Variants in MARCHF8 observed in about 807,000 individuals in gnomAD.
MARCHF8 encodes the protein membrane associated ring-CH-type finger 8.
In MARCHF8, 40 loss-of-function variants were observed where a neutral mutation model predicts 51.6. The observed-to-expected ratio is 0.77, with a 90% CI of 0.60 to 1.01. MARCHF8 has a LOEUF of 1.01. Among genes scored for constraint, MARCHF8 ranks in the 50% least tolerant of loss-of-function variants. The pLI, the probability that MARCHF8 is intolerant of heterozygous loss-of-function variation, is 0.00. For missense variants in MARCHF8, 685 were observed against 708.6 expected (o/e 0.97, Z 0.38); for synonymous variants, 263 against 280.3 (o/e 0.94, Z 0.62).
At chr10:45,475,105 T>A (rs2042762887) in intron 3 of MARCHF8, among the ~76,000 whole-genome samples, 1 of 152,148 alleles carries the variant, frequency 6.6e-6, no homozygotes, top group South Asian at 2.1e-4. Context: ...CCACTGATAT[T>A]CCTCACCACA....
intron 1 of MARCHF8, among the ~76,000 whole-genome samples, chr10:45,575,479 T>G (rs1294092121): frequency 1.3e-5 from 2 of 152,186 alleles, no homozygotes; most frequent in African/African-American, 2.4e-5. Flanking sequence ...CACCAATAAT[T>G]CTATACGACA....
chr10:45,459,155 C>T lies in MARCHF8; in HGVS notation c.1382G>A (p.Arg461His), dbSNP rs780685746. ...VVWSLYVLID[R>H]TAEEIKQGQA... ...CCCCTGCTTGATCTCCTCAGCAGTA[C>T]GGTCAATGAGCACATACAAGGACCA... The change falls in exon 7 of 8, where the codon CGT becomes CAT. Residue 461 changes from arginine (R) to histidine (H), a missense_variant. Coordinates refer to ENST00000453424, the MANE Select transcript of MARCHF8 (RefSeq NM_001282866.2). 72 of 1,613,896 alleles carry T rather than the reference C, an allele frequency of 4.5e-5. No individual in the cohort carries two copies. The highest frequency in any genetic ancestry group is 5.5e-5 in the Non-Finnish European group (65 of 1,179,998).
At chr10:45,527,331 T>C (rs933506404) in intron 2 of MARCHF8, among the ~76,000 whole-genome samples, 3 of 151,938 alleles carry the variant, frequency 2.0e-5, no homozygotes, top group East Asian at 1.9e-4. Flanking sequence ...AAACAAAAAG[T>C]TGCTTCACTG....
chr10:45,539,860 G>T (rs374096245), upstream of MARCHF8, among the ~76,000 whole-genome samples: 2 of 152,144 alleles, frequency 1.3e-5, no homozygotes, highest in South Asian at 4.1e-4. Context: ...AAAGTCTCAG[G>T]ATACAAAATC....
At chr10:45,500,569 ATATATGGCCTT>A (rs2043260876) in intron 2 of MARCHF8, among the ~76,000 whole-genome samples, 1 of 152,116 alleles carries the variant, frequency 6.6e-6, no homozygotes, top group Non-Finnish European at 1.5e-5. Flanking sequence ...CAGACTTTTC[ATATATGGCCTT>A]TATTATGTTG....
chr10:45,575,405 T>C (rs531494632), intron 1 of MARCHF8, among the ~76,000 whole-genome samples: 2 of 152,326 alleles, frequency 1.3e-5, no homozygotes, highest in Non-Finnish European at 2.9e-5. Context: ...CGTCTTTTAA[T>C]ACCTGTTTTT....
intron 1 of MARCHF8, among the ~76,000 whole-genome samples, chr10:45,543,299 T>C (rs1490001038): frequency 6.6e-6 from 1 of 152,242 alleles, no homozygotes; most frequent in African/African-American, 2.4e-5. Context: ...TCTCTGATTC[T>C]CATTCTGTGC....
At chr10:45,592,158 C>T (rs980510370) in intron 1 of MARCHF8, among the ~76,000 whole-genome samples, 2 of 149,612 alleles carry the variant, frequency 1.3e-5, no homozygotes, top group African/African-American at 5.1e-5. Flanking sequence ...TCAGGCATTT[C>T]CAAGTGAGTT....
At chr10:45,462,872 C>T (rs1204144728) in intron 5 of MARCHF8, among the ~76,000 whole-genome samples, 1 of 152,114 alleles carries the variant, frequency 6.6e-6, no homozygotes, top group Non-Finnish European at 1.5e-5. Context: ...GTGATCCACC[C>T]GCCTCAGCCT....
intron 2 of MARCHF8, among the ~76,000 whole-genome samples, chr10:45,530,051 G>A (rs1453101095): frequency 1.3e-5 from 2 of 152,124 alleles, no homozygotes; most frequent in East Asian, 1.9e-4. Flanking sequence ...GCCCATCAAC[G>A]GATGATTGGA....
chr10:45,550,485 A>G (rs1354311688), intron 1 of MARCHF8, among the ~76,000 whole-genome samples: 1 of 152,252 alleles, frequency 6.6e-6, no homozygotes, highest in Admixed American at 6.5e-5. Flanking sequence ...TGTACAATGC[A>G]GCATGTAAGG....
chr10:45,586,020 G>A (rs543794149), intron 1 of MARCHF8, among the ~76,000 whole-genome samples: 2 of 152,182 alleles, frequency 1.3e-5, no homozygotes, highest in African/African-American at 4.8e-5. Flanking sequence ...TGTTCAGTCT[G>A]TAAATGCTTT....
chr10:45,541,096 G>A (rs1366732903), intron 1 of MARCHF8, among the ~76,000 whole-genome samples: 1 of 152,158 alleles, frequency 6.6e-6, no homozygotes, highest in East Asian at 1.9e-4. Flanking sequence ...TATAAATCAT[G>A]CTGTTATAAA....
intron 2 of MARCHF8, among the ~76,000 whole-genome samples, chr10:45,511,631 A>G (rs551198666): frequency 6.6e-6 from 1 of 152,352 alleles, no homozygotes; most frequent in East Asian, 1.9e-4. Context: ...GCTGGTCTCC[A>G]GCTCCTAACC....
intron 3 of MARCHF8, among the ~76,000 whole-genome samples, chr10:45,481,788 C>T (rs1433156900): frequency 6.6e-6 from 1 of 152,192 alleles, no homozygotes; most frequent in Non-Finnish European, 1.5e-5. Context: ...ACTTTCACCA[C>T]TCCTGTTCAA....
chr10:45,584,126 C>CTT (rs370998949), intron 1 of MARCHF8, among the ~76,000 whole-genome samples: 1 of 85,366 alleles, frequency 1.2e-5, no homozygotes, highest in East Asian at 4.5e-4. Context: ...TATATACAAT[C>CTT]ATATATATAT....
chr10:45,471,300 G>A (rs1403340113), intron 3 of MARCHF8, among the ~76,000 whole-genome samples: 1 of 152,146 alleles, frequency 6.6e-6, no homozygotes, highest in Non-Finnish European at 1.5e-5. Context: ...CTGGTGGAGG[G>A]GACAGAAGGC....
rs1176590768 is a variant in MARCHF8, at chr10:45,533,178, G to C, written c.34C>G (p.Pro12Ala). The C allele has an allele frequency of 5.6e-6, 9 of 1,612,760 alleles. No homozygotes were observed. Among genetic ancestry groups the C allele is most frequent in the Non-Finnish European group, 7.6e-6 (9 of 1,179,400 alleles). ...SMPLHQISAI[P>A]SQDAISARVY... The stretch of plus-strand genomic sequence containing the variant: ...CTAGCAGAGATGGCATCCTGGGATG[G>C]AATGGCAGAGATCTGATGCAGTGGC... Residue 12 changes from proline to alanine, a missense_variant, in exon 2 of 8, where the codon CCA (proline) becomes GCA (alanine). By Grantham distance (27) the Pro-to-Ala change is conservative. Transcript: ENST00000453424.
Position 45,464,269 on chromosome 10 carries a change from G to A in MARCHF8, c.212C>T (p.Ser71Phe). The stretch of plus-strand genomic sequence containing the variant: ...GATGTCCTGGCTGGATGGCGTGATA[G>A]AAGTGCGAGAGAAGGAGGACACCGG... The part of the protein sequence containing the change: ...PAPVSSFSRT[S>F]ITPSSQDICS... Residue 71 changes from serine to phenylalanine, a missense_variant, in exon 4 of 8, where the codon TCT (serine) becomes TTT (phenylalanine). Coordinates refer to ENST00000453424, the MANE Select transcript of MARCHF8 (RefSeq NM_001282866.2). 6.2e-7 allele frequency: 1 copy of A among 1,614,222 alleles called. No homozygotes were observed. The highest frequency in any genetic ancestry group is 8.5e-7 in the Non-Finnish European group (1 of 1,180,042).
Sources: allele counts gnomAD v4.1 joint callset (sites outside exome capture counted in the v4.1 genomes callset), GRCh38; gene constraint gnomAD v4.1.1; transcripts MANE v1.5; gene names NCBI Gene and HGNC (gene_info 2026-07-23, HGNC 2026-07-21).